Variants in TTC29 observed in about 807,000 individuals in gnomAD.
TTC29 encodes tetratricopeptide repeat protein 29.
TTC29 carries 49 observed loss-of-function variants against 58.1 expected under a neutral mutation model. The observed-to-expected ratio is 0.84, with a 90% CI of 0.67 to 1.07. The LOEUF is 1.07. TTC29 is among the 50% of genes least tolerant of loss of function. The pLI is 0.00. For missense variants in TTC29, 582 were observed against 555.6 expected (o/e 1.05, Z -0.48); for synonymous variants, 209 against 196.8 (o/e 1.06, Z -0.52).
chr4:146,927,450 A>G (rs1220281345), intron 4 of TTC29, among the ~76,000 whole-genome samples: 2 of 152,004 alleles, frequency 1.3e-5, no homozygotes, highest in Admixed American at 6.6e-5. Context: ...ATTCTTTTCT[A>G]TCCTATTTGT....
chr4:146,712,295 T>C (rs1188194434), intron 11 of TTC29, among the ~76,000 whole-genome samples: 1 of 152,176 alleles, frequency 6.6e-6, no homozygotes, highest in African/African-American at 2.4e-5. Context: ...AAGTAACATA[T>C]AAATTTTTTC....
chr4:146,818,537 G>A (rs939585104), intron 10 of TTC29, among the ~76,000 whole-genome samples: 1 of 152,054 alleles, frequency 6.6e-6, no homozygotes. Flanking sequence ...AATTCCCCAG[G>A]GATCTAGAAC....
chr4:146,884,675 C>T (rs1731858940), intron 6 of TTC29, among the ~76,000 whole-genome samples: 1 of 151,996 alleles, frequency 6.6e-6, no homozygotes, highest in African/African-American at 2.4e-5. Context: ...AGAAAAAATG[C>T]TCCCAAGGAA....
At chr4:146,736,181 G>T (rs1416532791) in intron 11 of TTC29, among the ~76,000 whole-genome samples, 1 of 151,934 alleles carries the variant, frequency 6.6e-6, no homozygotes, top group Non-Finnish European at 1.5e-5. Context: ...TCAAGATAAA[G>T]ATTGAGGAAA....
At chr4:146,838,053 C>T (rs901131238) in intron 8 of TTC29, among the ~76,000 whole-genome samples, 2 of 151,918 alleles carry the variant, frequency 1.3e-5, no homozygotes, top group African/African-American at 2.4e-5. Flanking sequence ...CCAATTGCTC[C>T]AATAGTTTCA....
chr4:146,770,883 C>T (rs1338549152), intron 11 of TTC29, among the ~76,000 whole-genome samples: 1 of 152,044 alleles, frequency 6.6e-6, no homozygotes, highest in African/African-American at 2.4e-5. Flanking sequence ...TGCCAAGAAG[C>T]TTACCAATAA....
At chr4:146,845,830 C>T (rs1729131055) in intron 8 of TTC29, among the ~76,000 whole-genome samples, 1 of 152,094 alleles carries the variant, frequency 6.6e-6, no homozygotes, top group African/African-American at 2.4e-5. Flanking sequence ...CACACACACA[C>T]ACACACACAC....
intron 4 of TTC29, 89 bp downstream of exon 4, chr4:146,937,505 A>G: frequency 1.2e-6 from 1 of 846,916 alleles, no homozygotes; most frequent in African/African-American, 1.8e-5. Flanking sequence ...ATGAAAAAGT[A>G]TATTACACAG....
chr4:146,912,848 T>A (rs1039314774), intron 4 of TTC29, among the ~76,000 whole-genome samples: 5 of 151,952 alleles, frequency 3.3e-5, no homozygotes, highest in Non-Finnish European at 5.9e-5. Flanking sequence ...TTTCAAAACA[T>A]TTTAAGGAGA....
At chr4:146,829,949 G>A (rs1051773306) in intron 9 of TTC29, among the ~76,000 whole-genome samples, 10 of 152,244 alleles carry the variant, frequency 6.6e-5, no homozygotes, top group Non-Finnish European at 8.8e-5. Flanking sequence ...TTCAGTAAAT[G>A]AGGCAAAAAG....
In TTC29 at chr4:146,874,843, A is replaced by T; in HGVS notation, c.672T>A (p.Ser224=). The T allele has an allele frequency of 1.2e-6, 2 of 1,613,376 alleles. No individual in the cohort carries two copies. The highest frequency in any genetic ancestry group is 1.7e-6 in the Non-Finnish European group (2 of 1,179,644). ...GRIWKDETGR[S]LNLLACESLL... ...GACTCTCACAGGCCAACAAGTTGAG[A>T]GAGCGGCCTGTCTCATCCTTCCATA... Residue 224 remains serine, a synonymous_variant, in exon 7 of 13, where the codon TCT becomes TCA. Coordinates refer to ENST00000325106, the MANE Select transcript of TTC29 (RefSeq NM_031956.4).
chr4:146,770,080 C>T (rs1220766592), intron 11 of TTC29, among the ~76,000 whole-genome samples: 1 of 151,848 alleles, frequency 6.6e-6, no homozygotes, highest in African/African-American at 2.4e-5. Flanking sequence ...CAGCGGTTCT[C>T]AACACTAGTT....
chr4:146,835,374 G>A (rs1039338019), intron 8 of TTC29, among the ~76,000 whole-genome samples: 1 of 152,022 alleles, frequency 6.6e-6, no homozygotes, highest in Non-Finnish European at 1.5e-5. Flanking sequence ...CAGTACCTCT[G>A]AATTTTGTGA....
At chr4:146,862,957 C>T (rs1265762244) in intron 8 of TTC29, among the ~76,000 whole-genome samples, 1 of 151,830 alleles carries the variant, frequency 6.6e-6, no homozygotes, top group African/African-American at 2.4e-5. Context: ...CCCGTCTGTA[C>T]TAAAAATACA....
At chr4:146,816,862 TAA>T (rs1327016278) in intron 10 of TTC29, among the ~76,000 whole-genome samples, 2 of 152,262 alleles carry the variant, frequency 1.3e-5, no homozygotes, top group East Asian at 1.9e-4. Context: ...CCTTCTGAAA[TAA>T]AGTCAATTTT....
chr4:146,802,230 T>G (rs955796689), intron 11 of TTC29, among the ~76,000 whole-genome samples: 2 of 152,160 alleles, frequency 1.3e-5, no homozygotes, highest in African/African-American at 4.8e-5. Context: ...CATTGTTTTC[T>G]GCCATTCTGG....
intron 4 of TTC29, among the ~76,000 whole-genome samples, chr4:146,912,905 G>T (rs543872169): frequency 6.6e-6 from 1 of 152,292 alleles, no homozygotes; most frequent in South Asian, 2.1e-4. Flanking sequence ...AAGGGTGAAG[G>T]AAAGGGAGGA....
chr4:146,752,660 G>C (rs1287994926), intron 11 of TTC29, among the ~76,000 whole-genome samples: 2 of 151,854 alleles, frequency 1.3e-5, no homozygotes, highest in Non-Finnish European at 2.9e-5. Flanking sequence ...TATACTACAA[G>C]GCTACAGTAA....
intron 8 of TTC29, among the ~76,000 whole-genome samples, chr4:146,838,570 T>C (rs1384241321): frequency 6.6e-6 from 1 of 151,968 alleles, no homozygotes; most frequent in Non-Finnish European, 1.5e-5. Context: ...AAGCACCCAG[T>C]TGTCTTTTTT....
Sources: allele counts gnomAD v4.1 joint callset (sites outside exome capture counted in the v4.1 genomes callset), GRCh38; gene constraint gnomAD v4.1.1; transcripts MANE v1.5; gene names NCBI Gene and HGNC (gene_info 2026-07-23, HGNC 2026-07-21).